The following GRM5 variants were observed in gnomAD, a reference collection of about 807,000 sequenced individuals.
GRM5 encodes the protein glutamate metabotropic receptor 5, also known as metabotropic glutamate receptor 5.
Under a neutral mutation model 83.1 loss-of-function variants are expected in GRM5, and 19 were observed. That is an observed-to-expected ratio of 0.23 (90% confidence interval 0.16 to 0.34). GRM5 has a LOEUF of 0.34. GRM5 is among the 10% of genes least tolerant of loss of function. GRM5 has a pLI of 1.00. For missense variants in GRM5, 1,160 were observed against 1,588.3 expected, an observed-to-expected ratio of 0.73 and a Z score of 4.58; for synonymous variants, 675 against 633.6, an observed-to-expected ratio of 1.07 and a Z score of -0.98.
intron 3 of GRM5, among the ~76,000 whole-genome samples, chr11:88,732,309 A>G (rs1166058801): frequency 1.3e-5 from 2 of 152,116 alleles, no homozygotes; most frequent in Admixed American, 6.6e-5. Context: ...GAATGAACCA[A>G]TGAACCTATG....
chr11:88,750,231 G>C (rs1281170281), intron 3 of GRM5, among the ~76,000 whole-genome samples: 1 of 151,896 alleles, frequency 6.6e-6, no homozygotes, highest in Admixed American at 6.6e-5. Flanking sequence ...CAAAACAAAA[G>C]GATGGAGGAA....
At chr11:88,974,413 A>ATAGGTAGG (rs1555051756) in intron 2 of GRM5, among the ~76,000 whole-genome samples, 1 of 151,676 alleles carries the variant, frequency 6.6e-6, no homozygotes, top group African/African-American at 2.4e-5. Context: ...AGATAGATAG[A>ATAGGTAGG]TAGATAGATA....
intron 2 of GRM5, among the ~76,000 whole-genome samples, chr11:88,994,094 A>G (rs11021696): frequency 6.6e-6 from 1 of 150,974 alleles, no homozygotes; most frequent in South Asian, 2.1e-4. Flanking sequence ...CATCCCCCCC[A>G]AAAAAAATAA....
intron 2 of GRM5, among the ~76,000 whole-genome samples, chr11:88,956,384 G>T (rs1938613079): frequency 6.6e-6 from 1 of 152,144 alleles, no homozygotes; most frequent in Non-Finnish European, 1.5e-5. Flanking sequence ...ACTTATTCAA[G>T]AAATATTTAT....
intron 2 of GRM5, among the ~76,000 whole-genome samples, chr11:88,889,661 T>C (rs965727403): frequency 6.6e-6 from 1 of 152,152 alleles, no homozygotes; most frequent in Non-Finnish European, 1.5e-5. Flanking sequence ...TTAAAAGGCC[T>C]TTATATTTTT....
intron 1 of GRM5, among the ~76,000 whole-genome samples, chr11:89,061,492 A>T (rs577598713): frequency 1.3e-5 from 2 of 152,266 alleles, no homozygotes; most frequent in Non-Finnish European, 2.9e-5. Flanking sequence ...CTTTAGTCAC[A>T]AAAGTGAGCA....
intron 1 of GRM5, among the ~76,000 whole-genome samples, chr11:89,058,368 C>T (rs989832142): frequency 2.0e-5 from 3 of 152,176 alleles, no homozygotes; most frequent in Non-Finnish European, 4.4e-5. Context: ...GTTCACTAGA[C>T]GACAATGCCA....
intron 3 of GRM5, among the ~76,000 whole-genome samples, chr11:88,829,036 GA>G (rs1171725679): frequency 2.7e-5 from 4 of 150,854 alleles, no homozygotes; most frequent in Non-Finnish European, 5.9e-5. Flanking sequence ...TTTATAATTA[GA>G]AAAAAATCTT....
chr11:88,921,254 C>A (rs1302826695), intron 2 of GRM5, among the ~76,000 whole-genome samples: 1 of 152,120 alleles, frequency 6.6e-6, no homozygotes, highest in African/African-American at 2.4e-5. Context: ...AAGGATAAAA[C>A]AATATGATCA....
chr11:88,652,469 A>C lies in GRM5; in HGVS notation c.1147+699T>G, dbSNP rs751550029. On this transcript the variant is annotated intron_variant, in intron 4 of 9. Coordinates refer to ENST00000305447, the MANE Select transcript of GRM5 (RefSeq NM_001143831.3). ...CTCTTATTTTAAACACTTAGTTATC[A>C]TATCACTTATAATTTTCAATTGCAA... Among the ~76,000 whole-genome samples the C allele has an allele frequency of 6.6e-5, 10 of 152,026 alleles. No homozygotes were observed. The South Asian group carries it at 2.1e-3, about 31-fold the overall frequency.
chr11:88,807,509 A>G (rs1162720736), intron 3 of GRM5, among the ~76,000 whole-genome samples: 1 of 152,164 alleles, frequency 6.6e-6, no homozygotes, highest in Admixed American at 6.5e-5. Flanking sequence ...GAAGCAATTA[A>G]GATTGAAACT....
chr11:88,706,058 CA>C (rs146179069), intron 3 of GRM5, among the ~76,000 whole-genome samples: 2,175 of 152,168 alleles, frequency 0.014, 47 homozygotes, highest in African/African-American at 0.048. Context: ...CAATGGCACA[CA>C]GCTAGAATTT....
chr11:88,670,560 A>G (rs55943909), intron 3 of GRM5, among the ~76,000 whole-genome samples: 130,957 of 151,430 alleles, frequency 0.86, 57,089 homozygotes, highest in South Asian at 0.95. Flanking sequence ...AAAGTCTGAA[A>G]ACGACTCATA....
At chr11:88,813,070 T>C (rs912738941) in intron 3 of GRM5, among the ~76,000 whole-genome samples, 3 of 152,168 alleles carry the variant, frequency 2.0e-5, no homozygotes, top group African/African-American at 7.2e-5. Flanking sequence ...GATTAGTATT[T>C]ATCTCATTTT....
chr11:88,656,106 T>C (rs537248145), intron 3 of GRM5, among the ~76,000 whole-genome samples: 1 of 145,006 alleles, frequency 6.9e-6, no homozygotes, highest in South Asian at 2.2e-4. Flanking sequence ...TAATGCTTTC[T>C]ATTACTTTGA....
At chr11:89,006,292 T>C (rs1385430741) in intron 2 of GRM5, among the ~76,000 whole-genome samples, 1 of 152,210 alleles carries the variant, frequency 6.6e-6, no homozygotes, top group Non-Finnish European at 1.5e-5. Flanking sequence ...TACCCTGCCA[T>C]AGTTGTGAGG....
In GRM5 at chr11:88,521,129, A is replaced by G. The variant is rs947735849; in HGVS notation, c.2726+4180T>C. ...CTACATCATGAGCACATCAGAAAGC[A>G]GATTCCAGCCAGGAGTGGTGGCTCA... On this transcript the variant is annotated intron_variant, in intron 9 of 9. Transcript: ENST00000305447. 2.0e-5 allele frequency among the ~76,000 whole-genome samples: 3 copies of G among 152,216 alleles called. No homozygotes were observed. In the East Asian group the frequency reaches 5.8e-4, roughly 29 times the overall value.
At chr11:88,839,694 C>T (rs1944161542) in intron 3 of GRM5, among the ~76,000 whole-genome samples, 1 of 151,938 alleles carries the variant, frequency 6.6e-6, no homozygotes, top group Non-Finnish European at 1.5e-5. Context: ...TACAGTTGAC[C>T]CTTGAACAAT....
intron 2 of GRM5, among the ~76,000 whole-genome samples, chr11:88,964,885 T>C (rs1938896972): frequency 6.6e-6 from 1 of 152,122 alleles, no homozygotes; most frequent in Non-Finnish European, 1.5e-5. Flanking sequence ...AATTGAAAGA[T>C]AATAGAATGA....
Sources: gnomAD v4.1 joint callset for allele counts (sites outside exome capture counted in the v4.1 genomes callset) on GRCh38, gnomAD v4.1.1 for gene constraint, MANE v1.5 for transcripts, NCBI Gene and HGNC (gene_info 2026-07-23, HGNC 2026-07-21) for gene names.